The following TNRC18 variants were observed in gnomAD, a reference collection of about 807,000 sequenced individuals.
The protein encoded by TNRC18 is trinucleotide repeat-containing gene 18 protein.
Under a neutral mutation model 226.7 loss-of-function variants are expected in TNRC18, and 69 were observed. The ratio of observed to expected loss-of-function variants is 0.30; its 90% CI spans 0.25 to 0.37. TNRC18 has a LOEUF of 0.37. Among genes scored for constraint, TNRC18 ranks in the 10% least tolerant of loss-of-function variants. The probability of loss-of-function intolerance (pLI) is 1.00; values close to 1 mark genes in which losing one functional copy is unlikely to be tolerated. For missense variants in TNRC18, 4,754 were observed against 4,256.6 expected, an observed-to-expected ratio of 1.12 and a Z score of -3.25; for synonymous variants, 2,449 against 1,927.6, an observed-to-expected ratio of 1.27 and a Z score of -7.09.
chr7:5,381,895 G>C (rs1404742357), intron 5 of TNRC18, among the ~76,000 whole-genome samples: 1 of 152,178 alleles, frequency 6.6e-6, no homozygotes, highest in Non-Finnish European at 1.5e-5. Context: ...GAACCCGGGA[G>C]GCGGAGGTTG....
At chr7:5,359,886 G>T (rs1792850859) in intron 14 of TNRC18, among the ~76,000 whole-genome samples, 1 of 152,006 alleles carries the variant, frequency 6.6e-6, no homozygotes, top group African/African-American at 2.4e-5. Flanking sequence ...ATCGTGCCAA[G>T]AACAAAGATC....
chr7:5,326,362 G>A (rs745661678), intron 19 of TNRC18, among the ~76,000 whole-genome samples: 7 of 152,170 alleles, frequency 4.6e-5, no homozygotes, highest in Non-Finnish European at 8.8e-5. Flanking sequence ...ATTGAGCCAA[G>A]GTATGGAGAA....
At chr7:5,390,261 G>T in intron 4 of TNRC18, 1 of 560,096 alleles carries the variant, frequency 1.8e-6, no homozygotes, top group South Asian at 2.7e-5. Flanking sequence ...GCTACTTGGG[G>T]GGCTGAGTCA....
intron 2 of TNRC18, among the ~76,000 whole-genome samples, chr7:5,404,792 G>A (rs375128192): frequency 6.6e-6 from 1 of 151,394 alleles, no homozygotes. Flanking sequence ...GTGTGTGTGT[G>A]TATAAAATGA....
intron 11 of TNRC18, among the ~76,000 whole-genome samples, chr7:5,364,459 G>C (rs1793399718): frequency 1.8e-5 from 1 of 54,808 alleles, no homozygotes; most frequent in Admixed American, 2.2e-4. Context: ...CTGTCTCAAA[G>C]AAAACACACA....
At chr7:5,348,824 C>T (rs940983926) in intron 17 of TNRC18, among the ~76,000 whole-genome samples, 2 of 152,118 alleles carry the variant, frequency 1.3e-5, no homozygotes, top group African/African-American at 4.8e-5. Flanking sequence ...ACATTGCAGG[C>T]GTCACATGGC....
chr7:5,376,174 G>A lies in TNRC18; in HGVS notation c.2659C>T (p.Pro887Ser), dbSNP rs746652016. 1.3e-6 allele frequency: 2 copies of A among 1,569,586 alleles called. No homozygotes were observed. Among genetic ancestry groups the A allele is most frequent in the Non-Finnish European group, 1.7e-6 (2 of 1,159,062 alleles). ...TGGTGCAGGGGGCTGCGGCCCGGCG[G>A]GTACAGGGCGGGCCAGAGGGGCGGT... is the stretch of plus-strand genomic sequence containing the variant. ...TVPPLWPALY[P>S]PGRSPLHHAQ... is the part of the protein sequence containing the mutation. The change falls in exon 9 of 30, where the codon CCG becomes TCG. Residue 887 changes from proline (P) to serine (S), a missense_variant. Transcript: ENST00000430969.
chr7:5,401,395 C>T (rs956788385), intron 2 of TNRC18, among the ~76,000 whole-genome samples: 3 of 152,134 alleles, frequency 2.0e-5, no homozygotes, highest in Non-Finnish European at 4.4e-5. Context: ...CAGGGAAGAC[C>T]CTGCACACTC....
At chr7:5,329,253 A>G (rs1479724333) in intron 19 of TNRC18, among the ~76,000 whole-genome samples, 1 of 151,870 alleles carries the variant, frequency 6.6e-6, no homozygotes. Context: ...CAGCGAGCCA[A>G]GATCTCACCA....
At chr7:5,372,355 G>C (rs1383330208) in intron 10 of TNRC18, among the ~76,000 whole-genome samples, 2 of 151,812 alleles carry the variant, frequency 1.3e-5, no homozygotes, top group African/African-American at 4.8e-5. Context: ...GGGACTATAG[G>C]CGTGAGCCAC....
chr7:5,390,152 C>T (rs2128196968), intron 4 of TNRC18: 1 of 441,938 alleles, frequency 2.3e-6, no homozygotes, highest in East Asian at 3.5e-5. Context: ...TTGCTTGAGG[C>T]CAGGAGTTTG....
intron 5 of TNRC18, among the ~76,000 whole-genome samples, chr7:5,381,092 C>G (rs1049294857): frequency 5.3e-5 from 8 of 152,202 alleles, no homozygotes; most frequent in Non-Finnish European, 1.0e-4. Context: ...CCACCTGCCA[C>G]AGAAGCCAGT....
intron 19 of TNRC18, among the ~76,000 whole-genome samples, chr7:5,332,421 G>C (rs1789618954): frequency 6.6e-6 from 1 of 152,210 alleles, no homozygotes; most frequent in Non-Finnish European, 1.5e-5. Flanking sequence ...GACAGAGCAA[G>C]AGTTGACTCT....
chr7:5,356,831 G>C (rs925279993), intron 16 of TNRC18, 85 bp downstream of exon 16: 2 of 1,295,846 alleles, frequency 1.5e-6, no homozygotes, highest in Non-Finnish European at 2.0e-6. Context: ...AGTGAGGGGC[G>C]GGGGGGGAAG....
intron 16 of TNRC18, among the ~76,000 whole-genome samples, chr7:5,353,562 GA>G (rs35875231): frequency 0.21 from 18,270 of 86,926 alleles, 1,326 homozygotes; most frequent in African/African-American, 0.25. Context: ...ATCATCTAAA[GA>G]AAAAAAAAAA....
intron 21 of TNRC18, among the ~76,000 whole-genome samples, chr7:5,321,647 A>G (rs1348349998): frequency 2.5e-5 from 3 of 120,818 alleles, no homozygotes; most frequent in Non-Finnish European, 5.4e-5. Context: ...GACTTTATTT[A>G]TTTATTTATT....
rs112656100 is a variant in TNRC18, at chr7:5,391,835, TAAAAA to T, written c.344-1212_344-1208del. ...AACATAGTGTGACCCCATCTCTATT[TAAAAA>T]AAAAAAAAAAAAATTTAAATAGTTT... On this transcript the variant is annotated intron_variant, in intron 3 of 29. Transcript: ENST00000430969. 1.6e-3 allele frequency among the ~76,000 whole-genome samples: 206 copies of T among 125,454 alleles called. 1 individual carries two copies. Among genetic ancestry groups the T allele is most frequent in the Admixed American group, 3.0e-3 (37 of 12,136 alleles). 82.3% of individuals were successfully genotyped at this position (125,454 alleles called of 152,430 possible).
At position 5,370,860 on chromosome 7, in the gene TNRC18, A is replaced by G. The variant is rs1313426505; in HGVS notation, c.3734T>C (p.Leu1245Pro). ...TGTCTCGGGTGTCAGCTGCACCCCC[A>G]GGTCCAGGGCGGCGGTGCAGGGTTC... ...RTEPCTAALD[L>P]GVQLTPETLV... Residue 1245 changes from leucine to proline, a missense_variant, in exon 11 of 30, where the codon CTG becomes CCG. Coordinates refer to ENST00000430969, the MANE Select transcript of TNRC18 (RefSeq NM_001080495.3). The G allele has an allele frequency of 1.2e-6, 2 of 1,608,582 alleles. No individual in the cohort carries two copies. The highest frequency in any genetic ancestry group is 1.7e-6 in the Non-Finnish European group (2 of 1,179,662).
At chr7:5,321,044 C>G in intron 22 of TNRC18, 29 bp downstream of exon 22, 2 of 1,478,220 alleles carry the variant, frequency 1.4e-6, no homozygotes, top group Non-Finnish European at 1.8e-6. Flanking sequence ...GGACACGGGG[C>G]TCTGTGCCGG....
Sources: allele counts gnomAD v4.1 joint callset (sites outside exome capture counted in the v4.1 genomes callset), GRCh38; gene constraint gnomAD v4.1.1; transcripts MANE v1.5; gene names NCBI Gene and HGNC (gene_info 2026-07-23, HGNC 2026-07-21).